The following ARHGAP21 variants were observed in gnomAD, a reference collection of about 807,000 sequenced individuals.
ARHGAP21 encodes the protein Rho GTPase activating protein 21, also known as rho GTPase-activating protein 21.
ARHGAP21 carries 38 observed loss-of-function variants against 164.6 expected under a neutral mutation model. The ratio of observed to expected loss-of-function variants is 0.23; its 90% confidence interval spans 0.18 to 0.30. The LOEUF (loss-of-function observed/expected upper bound fraction) is 0.30. ARHGAP21 is among the 10% of genes least tolerant of loss of function. ARHGAP21 has a pLI of 1.00. For synonymous variants in ARHGAP21, 766 were observed against 857.9 expected (o/e 0.89, Z 1.87); for missense variants, 1,822 against 2,370.7 (o/e 0.77, Z 4.81).
rs190265278 is a variant in ARHGAP21, at chr10:24,653,935, G to C, written c.268+13050C>G. 1.6e-3 allele frequency among the ~76,000 whole-genome samples: 251 copies of C among 152,220 alleles called. 4 individuals carry two copies. Among genetic ancestry groups the C allele is most frequent in the Non-Finnish European group, 9.6e-4 (65 of 68,020 alleles). On this transcript the variant is annotated intron_variant, in intron 4 of 25. Coordinates refer to ENST00000396432, the MANE Select transcript of ARHGAP21 (RefSeq NM_020824.4). Reference sequence around the variant, plus strand: ...AAAGTGAAAAAAAAGAAGGTGAAAAGACGACCTACATAATGGAGGAAAATA... The same window carrying C: ...AAAGTGAAAAAAAAGAAGGTGAAAACACGACCTACATAATGGAGGAAAATA...
chr10:24,655,035 A>G (rs138673079), intron 4 of ARHGAP21, among the ~76,000 whole-genome samples: 237 of 134,596 alleles, frequency 1.8e-3, no homozygotes, highest in Admixed American at 2.7e-3. Flanking sequence ...TTCCCTATTT[A>G]ATAAAAGGTG....
chr10:24,682,573 A>G (rs1841870027), intron 2 of ARHGAP21, among the ~76,000 whole-genome samples: 1 of 152,168 alleles, frequency 6.6e-6, no homozygotes, highest in East Asian at 1.9e-4. Context: ...TGTGAACTAA[A>G]GGGTTGTTTA....
chr10:24,598,623 G>A (rs2076682136), intron 14 of ARHGAP21, among the ~76,000 whole-genome samples: 1 of 152,140 alleles, frequency 6.6e-6, no homozygotes, highest in Non-Finnish European at 1.5e-5. Context: ...TGACCATAAA[G>A]TGATCCTTTT....
intron 1 of ARHGAP21, chr10:24,723,176 C>T (rs1846101002): frequency 1.3e-5 from 2 of 150,480 alleles, no homozygotes; most frequent in Admixed American, 6.6e-5. Context: ...CCGCTCGGGC[C>T]CGGCGGCCGA....
chr10:24,585,407 T>C lies in ARHGAP21; in HGVS notation c.4882A>G (p.Ser1628Gly). Residue 1628 changes from serine (S) to glycine (G), a missense_variant, in exon 26 of 26, where the codon AGT (serine) becomes GGT (glycine). By Grantham distance (56) the Ser-to-Gly change is moderately conservative. Transcript: ENST00000396432. Reference sequence around the variant, plus strand: ...TCGGTTTCCACAGGCCGCCCTTCACTGATGAGTTCGCTTCTCTCGTCATCT... The same window carrying C: ...TCGGTTTCCACAGGCCGCCCTTCACCGATGAGTTCGCTTCTCTCGTCATCT... Reference protein sequence around the residue: ...EADDERSELISEGRPVETDSE... With the variant: ...EADDERSELIGEGRPVETDSE... The C allele has an allele frequency of 1.2e-6, 2 of 1,614,132 alleles. No individual in the cohort carries two copies. Among genetic ancestry groups the C allele is most frequent in the Non-Finnish European group, 1.7e-6 (2 of 1,180,048 alleles).
At chr10:24,693,059 C>A (rs1565174451) in intron 2 of ARHGAP21, among the ~76,000 whole-genome samples, 1 of 151,876 alleles carries the variant, frequency 6.6e-6, no homozygotes, top group Non-Finnish European at 1.5e-5. Flanking sequence ...GTGATGAAGT[C>A]TGGAGAGGGA....
At chr10:24,702,792 C>A (rs1191465467) in intron 2 of ARHGAP21, among the ~76,000 whole-genome samples, 1 of 152,086 alleles carries the variant, frequency 6.6e-6, no homozygotes, top group Non-Finnish European at 1.5e-5. Context: ...ATTGCCCAGG[C>A]TGTTATTAAA....
intron 2 of ARHGAP21, chr10:24,714,159 A>G (rs1462061802): frequency 6.6e-6 from 1 of 152,266 alleles, no homozygotes; most frequent in Non-Finnish European, 1.5e-5. Context: ...TCTGTAACAG[A>G]AAATAGCTGC....
intron 4 of ARHGAP21, among the ~76,000 whole-genome samples, chr10:24,656,583 C>T (rs1210641921): frequency 1.0e-4 from 10 of 97,064 alleles, no homozygotes; most frequent in East Asian, 6.8e-4. Flanking sequence ...GTCAGCCCTC[C>T]GCCCAGCCAG....
intron 4 of ARHGAP21, among the ~76,000 whole-genome samples, chr10:24,654,146 T>C (rs1838529340): frequency 6.6e-6 from 1 of 152,168 alleles, no homozygotes; most frequent in Non-Finnish European, 1.5e-5. Context: ...AAGAGCTATT[T>C]ATGACAAACC....
In ARHGAP21 at chr10:24,585,681, G is replaced by A. The variant is rs772083096; in HGVS notation, c.4608C>T (p.Ser1536=). The stretch of plus-strand genomic sequence containing the variant: ...CAGAGCCTGTCTCTTCAAGGTGGGA[G>A]GACTTCTGTGCCAGAAGTGACCTGG... ...ESPRSLLAQK[S]SHLEETGSDS... The change falls in exon 26 of 26, where the codon TCC becomes TCT. Residue 1536 remains serine, a synonymous_variant. Transcript: ENST00000396432. The A allele has an allele frequency of 1.9e-6, 3 of 1,614,128 alleles. No individual in the cohort carries two copies. The highest frequency in any genetic ancestry group is 1.1e-5 in the South Asian group (1 of 91,076).
intron 2 of ARHGAP21, among the ~76,000 whole-genome samples, chr10:24,702,232 G>A (rs369007296): frequency 2.8e-5 from 4 of 140,988 alleles, no homozygotes; most frequent in Admixed American, 7.8e-5. Flanking sequence ...CCGGGTTCAC[G>A]CCATTCTCCT....
chr10:24,590,238 A>G, intron 24 of ARHGAP21: 1 of 1,472,802 alleles, frequency 6.8e-7, no homozygotes, highest in African/African-American at 1.4e-5. Flanking sequence ...TGCTTCAGAA[A>G]TAACAAGAAA....
chr10:24,663,959 A>C (rs1839941144), intron 4 of ARHGAP21, among the ~76,000 whole-genome samples: 1 of 152,212 alleles, frequency 6.6e-6, no homozygotes, highest in Non-Finnish European at 1.5e-5. Context: ...AAGAGGGTAC[A>C]TTACCATATA....
At position 24,619,607 on chromosome 10, in the gene ARHGAP21, T is replaced by C. The variant is rs1834343930; in HGVS notation, c.2288A>G (p.Gln763Arg). 1 of 1,614,068 alleles carries C rather than the reference T, an allele frequency of 6.2e-7. No individual in the cohort carries two copies. The highest frequency in any genetic ancestry group is 1.1e-5 in the South Asian group (1 of 91,088). The change falls in exon 9 of 26, where the codon CAG (glutamine) becomes CGG (arginine). Residue 763 changes from glutamine to arginine, a missense_variant. Gln to Arg is a conservative substitution (Grantham distance 43). Around this residue, in one of 5 missense-constraint regions of ARHGAP21, gnomAD observed 1,090 missense variants for 1,378.9 expected, o/e 0.79. Transcript: ENST00000396432. ...HQSYILAVNDQETGSDTTCWL... is the reference protein window; with the variant it reads ...HQSYILAVNDRETGSDTTCWL... The stretch of plus-strand genomic sequence containing the variant: ...GCAGGTAGTGTCTGACCCGGTCTCC[T>C]GGTCATTTACTGCCAAGATGTAAGA...
chr10:24,665,925 A>G (rs1840150698), intron 4 of ARHGAP21, among the ~76,000 whole-genome samples: 2 of 152,276 alleles, frequency 1.3e-5, no homozygotes, highest in Non-Finnish European at 2.9e-5. Flanking sequence ...ATACTAGCGG[A>G]AAAACTGGTG....
intron 2 of ARHGAP21, among the ~76,000 whole-genome samples, chr10:24,679,115 G>C (rs1218245008): frequency 6.6e-6 from 1 of 152,114 alleles, no homozygotes; most frequent in Non-Finnish European, 1.5e-5. Context: ...CATTTCCCTG[G>C]AATAAATGTC....
intron 9 of ARHGAP21, among the ~76,000 whole-genome samples, chr10:24,610,631 G>A (rs1373152077): frequency 6.6e-6 from 1 of 152,162 alleles, no homozygotes; most frequent in Non-Finnish European, 1.5e-5. Context: ...CAAATGGAGA[G>A]TATTTCAAAT....
In ARHGAP21 at chr10:24,590,277, T is replaced by A. The variant is rs767572482; in HGVS notation, c.4150+948A>T. 17 of 1,521,684 alleles carry A rather than the reference T, an allele frequency of 1.1e-5. No individual in the cohort carries two copies. In the Admixed American group the frequency reaches 3.4e-4, roughly 31 times the overall value. 94.3% of individuals were successfully genotyped at this position (1,521,684 alleles called of 1,614,324 possible). Reference sequence around the variant, plus strand: ...CAGAAAAACTTTTAAGAAAGTAGTATTGATCTGTTTACAATAATCTTATGA... The same window carrying A: ...CAGAAAAACTTTTAAGAAAGTAGTAATGATCTGTTTACAATAATCTTATGA... On this transcript the variant is annotated intron_variant, in intron 24 of 25. Transcript: ENST00000396432.
Sources: allele counts gnomAD v4.1 joint callset (sites outside exome capture counted in the v4.1 genomes callset), GRCh38; gene constraint gnomAD v4.1.1; regional missense constraint gnomAD v4.1.1; transcripts MANE v1.5; gene names NCBI Gene and HGNC (gene_info 2026-07-23, HGNC 2026-07-21).